Variants in ROBO2 observed in about 807,000 individuals in gnomAD.
ROBO2 encodes roundabout homolog 2.
A neutral mutation model predicts 160.8 loss-of-function variants in ROBO2; 53 were observed. The ratio of observed to expected loss-of-function variants is 0.33; its 90% confidence interval spans 0.26 to 0.41. ROBO2 has a LOEUF of 0.41. Among genes scored for constraint, ROBO2 ranks in the 10% least tolerant of loss-of-function variants. ROBO2 has a pLI of 1.00. For missense variants in ROBO2, 1,577 were observed against 1,722.4 expected (o/e 0.92, Z 1.49); for synonymous variants, 664 against 611.7 (o/e 1.09, Z -1.26).
chr3:76,043,642 A>C (rs1484097960), intron 2 of ROBO2, among the ~76,000 whole-genome samples: 2 of 150,560 alleles, frequency 1.3e-5, no homozygotes, highest in African/African-American at 2.4e-5. Context: ...AAAAAAAAAA[A>C]AAAACCACAC....
At chr3:76,074,795 A>G (rs1315453335) in intron 2 of ROBO2, among the ~76,000 whole-genome samples, 3 of 152,216 alleles carry the variant, frequency 2.0e-5, no homozygotes, top group Non-Finnish European at 4.4e-5. Context: ...GTTCTGTTTC[A>G]GATATGGCCC....
chr3:76,216,645 C>T (rs1372442052), intron 2 of ROBO2, among the ~76,000 whole-genome samples: 1 of 152,126 alleles, frequency 6.6e-6, no homozygotes, highest in African/African-American at 2.4e-5. Flanking sequence ...TACAGGAGCA[C>T]CCAGATTCAT....
chr3:75,914,555 G>C (rs1946728651), intron 1 of ROBO2, among the ~76,000 whole-genome samples: 1 of 152,158 alleles, frequency 6.6e-6, no homozygotes, highest in African/African-American at 2.4e-5. Flanking sequence ...TGGAGATCAA[G>C]CTAAAAATAA....
chr3:76,705,283 GAGTAATACAATGTAT>G (rs1324539124), intron 2 of ROBO2, among the ~76,000 whole-genome samples: 1 of 152,044 alleles, frequency 6.6e-6, no homozygotes. Flanking sequence ...CAGTTGCCTA[GAGTAATACAATGTAT>G]AGTAATACAA....
At chr3:76,580,328 G>GTTTTTTTTTTTTTTTTTT (rs748888426) in intron 2 of ROBO2, among the ~76,000 whole-genome samples, 4 of 67,324 alleles carry the variant, frequency 5.9e-5, no homozygotes, top group Non-Finnish European at 8.1e-5. Context: ...TTTTTTTTTT[G>GTTTTTTTTTTTTTTTTTT]TTTTTTTTTT....
At chr3:77,070,961 T>C (rs1236382882) in intron 1 of ROBO2, among the ~76,000 whole-genome samples, 2 of 152,046 alleles carry the variant, frequency 1.3e-5, no homozygotes, top group African/African-American at 4.8e-5. Context: ...TACACCAGGG[T>C]GTAATGAATG....
intron 2 of ROBO2, among the ~76,000 whole-genome samples, chr3:76,552,367 C>A (rs561565978): frequency 1.3e-5 from 2 of 152,252 alleles, no homozygotes; most frequent in South Asian, 4.1e-4. Flanking sequence ...CTAGAATTCA[C>A]TAGGTAAAAC....
chr3:76,797,179 A>C (rs993280388), intron 2 of ROBO2, among the ~76,000 whole-genome samples: 2 of 152,182 alleles, frequency 1.3e-5, no homozygotes, highest in African/African-American at 4.8e-5. Context: ...AAGTCTCAAG[A>C]ACAGACCTTA....
At chr3:75,926,784 T>C (rs1947310902) in intron 1 of ROBO2, among the ~76,000 whole-genome samples, 1 of 152,168 alleles carries the variant, frequency 6.6e-6, no homozygotes, top group Admixed American at 6.5e-5. Flanking sequence ...TTTAAAACAA[T>C]TTTTAAGTTC....
intron 2 of ROBO2, among the ~76,000 whole-genome samples, chr3:77,315,347 G>A (rs558678009): frequency 2.0e-4 from 31 of 152,158 alleles, no homozygotes; most frequent in Non-Finnish European, 8.8e-5. Context: ...ACATATTTGA[G>A]TTACAAGGTC....
At chr3:77,200,682 T>G (rs2082826329) in intron 2 of ROBO2, among the ~76,000 whole-genome samples, 2 of 152,182 alleles carry the variant, frequency 1.3e-5, no homozygotes, top group South Asian at 4.2e-4. Context: ...ACCATATGAC[T>G]TTGGACAATG....
rs374654061 is a variant in ROBO2 at position 76,149,852 on chromosome 3, ACAT to A, written c.109+212254_109+212256del. ...TAAAACACACATCTGTCTAAAGCACACATCATATGTCTAAAGCACACATCTGTC... is the reference window on the plus strand; with the variant it reads ...TAAAACACACATCTGTCTAAAGCACACATATGTCTAAAGCACACATCTGTC... On this transcript the variant is annotated intron_variant, in intron 2 of 26. Transcript: ENST00000487694. Among the ~76,000 whole-genome samples the A allele has an allele frequency of 6.8e-4, 74 of 109,412 alleles. No individual in the cohort carries two copies. The East Asian group carries it at 8.4e-3, about 12-fold the overall frequency. 71.8% of individuals were successfully genotyped at this position (109,412 alleles called of 152,430 possible).
At chr3:76,982,207 A>T (rs2060133718) in intron 2 of ROBO2, among the ~76,000 whole-genome samples, 1 of 152,170 alleles carries the variant, frequency 6.6e-6, no homozygotes, top group Non-Finnish European at 1.5e-5. Flanking sequence ...AGAGTTTTAT[A>T]TTCTTACATT....
At chr3:76,243,163 G>A (rs1389781233) in intron 2 of ROBO2, among the ~76,000 whole-genome samples, 1 of 152,150 alleles carries the variant, frequency 6.6e-6, no homozygotes, top group Non-Finnish European at 1.5e-5. Flanking sequence ...TCGGATGCCA[G>A]GTTGCAAAGT....
At chr3:76,688,105 C>T (rs562946124) in intron 2 of ROBO2, among the ~76,000 whole-genome samples, 3 of 152,082 alleles carry the variant, frequency 2.0e-5, no homozygotes, top group South Asian at 2.1e-4. Flanking sequence ...TGAATAGCTA[C>T]ACTGAAAAGT....
intron 2 of ROBO2, among the ~76,000 whole-genome samples, chr3:76,627,394 A>G (rs542511256): frequency 1.3e-5 from 2 of 152,322 alleles, no homozygotes; most frequent in East Asian, 1.9e-4. Context: ...CCGCATATTC[A>G]TGATGTAAGG....
chr3:77,301,189 T>C lies in ROBO2; in HGVS notation c.389-176225T>C, dbSNP rs554638387. ...CGGCCTAATAGACATATTTTTAAAT[T>C]GAAAATATATATTACTGATTTTAAA... is the stretch of plus-strand genomic sequence containing the variant. On this transcript the variant is annotated intron_variant, in intron 2 of 25. Transcript: ENST00000461745. 1.2e-3 allele frequency among the ~76,000 whole-genome samples: 184 copies of C among 152,196 alleles called. 1 individual carries two copies. The highest frequency in any genetic ancestry group is 4.0e-3 in the African/African-American group (168 of 41,536).
chr3:77,561,959 C>T (rs891704435), intron 9 of ROBO2, among the ~76,000 whole-genome samples: 2 of 151,908 alleles, frequency 1.3e-5, no homozygotes, highest in Admixed American at 6.6e-5. Flanking sequence ...CAATGTTAGT[C>T]AGGCATGGTG....
chr3:77,025,537 A>C lies in ROBO2; in HGVS notation c.110-72477A>C, dbSNP rs147312115. ...TAAAAGAATAGACAAATTGCTCCCAAATGAACATAAAGGGGGATGACATAA... is the reference window on the plus strand; with the variant it reads ...TAAAAGAATAGACAAATTGCTCCCACATGAACATAAAGGGGGATGACATAA... On this transcript the variant is annotated intron_variant, in intron 2 of 26. Coordinates refer to the ROBO2 transcript ENST00000487694. Among the ~76,000 whole-genome samples the C allele has an allele frequency of 3.9e-4, 59 of 152,352 alleles. 2 individuals carry two copies. In the East Asian group the frequency reaches 0.011, roughly 29 times the overall value.
Sources: gnomAD v4.1 joint callset for allele counts (sites outside exome capture counted in the v4.1 genomes callset) on GRCh38, gnomAD v4.1.1 for gene constraint, MANE v1.5 for transcripts, NCBI Gene and HGNC (gene_info 2026-07-23, HGNC 2026-07-21) for gene names.